Variants in LMX1A observed in about 807,000 individuals in gnomAD.
LMX1A encodes LIM homeobox transcription factor 1 alpha, also known as LIM homeobox transcription factor 1-alpha.
A neutral mutation model predicts 49.1 loss-of-function variants in LMX1A; 15 were observed. The observed-to-expected ratio is 0.31, with a 90% CI of 0.20 to 0.47. The LOEUF (loss-of-function observed/expected upper bound fraction) is 0.47, where lower values mean the gene tolerates loss of function less well. Among genes scored for constraint, LMX1A ranks in the 20% least tolerant of loss-of-function variants. The probability of loss-of-function intolerance (pLI) is 1.00; values close to 1 mark genes in which losing one functional copy is unlikely to be tolerated. For missense variants in LMX1A, 372 were observed against 475.8 expected (o/e 0.78, Z 2.03); for synonymous variants, 167 against 185.7 (o/e 0.90, Z 0.82).
chr1:165,204,835 G>GGA, intron 8 of LMX1A, among the ~76,000 whole-genome samples: 1 of 152,176 alleles, frequency 6.6e-6, no homozygotes, highest in Non-Finnish European at 1.5e-5. Context: ...AGTAAAGAAT[G>GGA]GTACAGATGT....
chr1:165,236,926 T>C (rs1330611331), intron 4 of LMX1A, among the ~76,000 whole-genome samples: 1 of 151,480 alleles, frequency 6.6e-6, no homozygotes, highest in Non-Finnish European at 1.5e-5. Context: ...CTCAAGAATA[T>C]AATATTGTTT....
intron 3 of LMX1A, among the ~76,000 whole-genome samples, chr1:165,299,650 T>G (rs1394461654): frequency 6.6e-6 from 1 of 151,548 alleles, no homozygotes; most frequent in Non-Finnish European, 1.5e-5. Context: ...AAATCGACCA[T>G]GAAGAAAAGT....
At chr1:165,314,846 G>T (rs898538622) in intron 3 of LMX1A, among the ~76,000 whole-genome samples, 7 of 152,244 alleles carry the variant, frequency 4.6e-5, no homozygotes, top group African/African-American at 1.7e-4. Flanking sequence ...AGTAATGAGG[G>T]CATAACTAGC....
At chr1:165,206,826 C>T (rs1453524511) in intron 7 of LMX1A, among the ~76,000 whole-genome samples, 1 of 152,084 alleles carries the variant, frequency 6.6e-6, no homozygotes, top group African/African-American at 2.4e-5. Flanking sequence ...ACACCTATGC[C>T]CTGTTTTATT....
chr1:165,236,130 C>T (rs1652429545), intron 4 of LMX1A, among the ~76,000 whole-genome samples: 3 of 152,266 alleles, frequency 2.0e-5, no homozygotes, highest in African/African-American at 7.2e-5. Context: ...TGGTGACTGC[C>T]TGGCAGGGGT....
chr1:165,231,935 G>A (rs1169231487), intron 4 of LMX1A, among the ~76,000 whole-genome samples: 2 of 152,206 alleles, frequency 1.3e-5, no homozygotes, highest in African/African-American at 4.8e-5. Flanking sequence ...AATGCATTGA[G>A]AGCACACGGA....
chr1:165,221,556 C>A (rs1411724850), intron 4 of LMX1A, among the ~76,000 whole-genome samples: 1 of 152,212 alleles, frequency 6.6e-6, no homozygotes, highest in East Asian at 1.9e-4. Context: ...AAGAAAGACA[C>A]CTTTGTTCAA....
At chr1:165,306,121 C>T (rs1333837266) in intron 3 of LMX1A, among the ~76,000 whole-genome samples, 1 of 152,180 alleles carries the variant, frequency 6.6e-6, no homozygotes, top group Non-Finnish European at 1.5e-5. Flanking sequence ...AAATTCATAC[C>T]CACCCATCAG....
At chr1:165,242,522 A>G (rs1215660638) in intron 4 of LMX1A, among the ~76,000 whole-genome samples, 1 of 152,026 alleles carries the variant, frequency 6.6e-6, no homozygotes, top group Admixed American at 6.5e-5. Flanking sequence ...GGAAATAAAG[A>G]TATTGTTTGA....
At chr1:165,262,320 TA>T (rs1219170061) in intron 3 of LMX1A, among the ~76,000 whole-genome samples, 1 of 152,162 alleles carries the variant, frequency 6.6e-6, no homozygotes, top group Non-Finnish European at 1.5e-5. Flanking sequence ...TGCCTGGAAT[TA>T]AAATGCAATA....
chr1:165,286,041 T>C (rs764205161), intron 3 of LMX1A, among the ~76,000 whole-genome samples: 6 of 152,178 alleles, frequency 3.9e-5, no homozygotes, highest in Non-Finnish European at 7.3e-5. Flanking sequence ...GTGGTTGCTG[T>C]ACAGGGGGAA....
At chr1:165,260,894 G>C (rs1267245819) in intron 3 of LMX1A, among the ~76,000 whole-genome samples, 2 of 152,196 alleles carry the variant, frequency 1.3e-5, no homozygotes, top group Non-Finnish European at 2.9e-5. Flanking sequence ...TTTAATTCCA[G>C]AATGCCTTTA....
rs371700851 is a variant in LMX1A at position 165,260,872 on chromosome 1, A to G, written c.264-11232T>C. ...CCTTTCTAACTGACGGGTGGAAAAT[A>G]TCTCTGGATTATTTAATTCCAGAAT... On this transcript the variant is annotated intron_variant, in intron 3 of 8. Transcript: ENST00000342310. Among the ~76,000 whole-genome samples the G allele has an allele frequency of 7.9e-5, 12 of 152,334 alleles. No individual in the cohort carries two copies. The East Asian group carries it at 2.3e-3, about 29-fold the overall frequency.
chr1:165,237,256 C>T (rs1013286954), intron 4 of LMX1A, among the ~76,000 whole-genome samples: 2 of 152,192 alleles, frequency 1.3e-5, no homozygotes, highest in East Asian at 1.9e-4. Context: ...TGGAGTCTCG[C>T]TCTGTCGCCC....
At chr1:165,214,899 A>G (rs1651583332) in intron 4 of LMX1A, among the ~76,000 whole-genome samples, 1 of 152,254 alleles carries the variant, frequency 6.6e-6, no homozygotes. Flanking sequence ...TAAAATCTCT[A>G]GTATACGTCA....
At chr1:165,283,496 C>G (rs1364201181) in intron 3 of LMX1A, among the ~76,000 whole-genome samples, 2 of 152,154 alleles carry the variant, frequency 1.3e-5, no homozygotes, top group African/African-American at 4.8e-5. Context: ...CCTCCTCTTC[C>G]TCTTTCTCTT....
chr1:165,312,473 A>C (rs1655102716), intron 3 of LMX1A, among the ~76,000 whole-genome samples: 2 of 151,700 alleles, frequency 1.3e-5, no homozygotes, highest in Admixed American at 1.3e-4. Context: ...CCATGAGTCT[A>C]GCTGGGCTCT....
At chr1:165,322,677 G>A (rs1010613727) in intron 3 of LMX1A, among the ~76,000 whole-genome samples, 1 of 152,084 alleles carries the variant, frequency 6.6e-6, no homozygotes. Flanking sequence ...AGGAAGAAAG[G>A]GGGCTGTCTG....
intron 3 of LMX1A, among the ~76,000 whole-genome samples, chr1:165,301,650 G>A (rs1490408341): frequency 6.6e-6 from 1 of 152,142 alleles, no homozygotes; most frequent in Non-Finnish European, 1.5e-5. Flanking sequence ...CTCCTCCAGT[G>A]TCAAAAATGA....
Sources: gnomAD v4.1 joint callset for allele counts (sites outside exome capture counted in the v4.1 genomes callset) on GRCh38, gnomAD v4.1.1 for gene constraint, MANE v1.5 for transcripts, NCBI Gene and HGNC (gene_info 2026-07-23, HGNC 2026-07-21) for gene names.